Variants in PTPRM observed in about 807,000 individuals in gnomAD.
The protein encoded by PTPRM is protein tyrosine phosphatase receptor type M.
PTPRM carries 47 observed loss-of-function variants against 186.7 expected under a neutral mutation model. The ratio of observed to expected loss-of-function variants is 0.25; its 90% CI spans 0.20 to 0.32. The LOEUF is 0.32. PTPRM is among the 10% of genes least tolerant of loss of function. The pLI is 1.00. For missense variants in PTPRM, 1,494 were observed against 1,865.0 expected (o/e 0.80, Z 3.66); for synonymous variants, 668 against 674.9 (o/e 0.99, Z 0.16).
intron 14 of PTPRM, among the ~76,000 whole-genome samples, chr18:8,189,749 C>CT (rs1410475904): frequency 6.6e-6 from 1 of 152,158 alleles, no homozygotes; most frequent in African/African-American, 2.4e-5. Flanking sequence ...TCTGGAATAC[C>CT]TGAGTGACTG....
At chr18:8,099,112 C>T (rs2091158658) in intron 11 of PTPRM, among the ~76,000 whole-genome samples, 1 of 152,112 alleles carries the variant, frequency 6.6e-6, no homozygotes, top group Non-Finnish European at 1.5e-5. Flanking sequence ...TGCCTGCACA[C>T]ACACACACAG....
chr18:8,127,283 T>G (rs558503836), intron 13 of PTPRM, among the ~76,000 whole-genome samples: 1 of 152,166 alleles, frequency 6.6e-6, no homozygotes, highest in South Asian at 2.1e-4. Flanking sequence ...CTAGGGAACT[T>G]AAGGGACAGG....
chr18:7,775,130 G>A (rs909022097), intron 2 of PTPRM, among the ~76,000 whole-genome samples: 2 of 152,206 alleles, frequency 1.3e-5, no homozygotes, highest in Admixed American at 1.3e-4. Flanking sequence ...TCTTGTAAAG[G>A]TAGCTTTTAA....
chr18:7,870,337 TTA>T (rs1456496816), intron 2 of PTPRM, among the ~76,000 whole-genome samples: 1 of 152,208 alleles, frequency 6.6e-6, no homozygotes, highest in Non-Finnish European at 1.5e-5. Flanking sequence ...TTATATTTTA[TTA>T]TGTCTTCCCT....
At chr18:8,289,573 T>TAA (rs1318344496) in intron 19 of PTPRM, among the ~76,000 whole-genome samples, 1 of 110,144 alleles carries the variant, frequency 9.1e-6, no homozygotes, top group Non-Finnish European at 1.7e-5. Context: ...CATATATATA[T>TAA]ATACATATAT....
chr18:7,812,158 A>G (rs1431524441), intron 2 of PTPRM, among the ~76,000 whole-genome samples: 1 of 152,210 alleles, frequency 6.6e-6, no homozygotes, highest in Non-Finnish European at 1.5e-5. Context: ...TGAAGTAGGC[A>G]TTACTGAGTG....
rs942373763 is a variant in PTPRM, at chr18:7,764,900, C to T, written c.74-9249C>T. Among the ~76,000 whole-genome samples, 35 of 152,194 alleles carry T rather than the reference C, an allele frequency of 2.3e-4. 1 individual carries two copies. Among genetic ancestry groups the T allele is most frequent in the Admixed American group, 1.8e-3 (28 of 15,282 alleles). On this transcript the variant is annotated intron_variant, in intron 1 of 32. Transcript: ENST00000580170. ...GACAACTATTTTTTACACTCTCTCT[C>T]GTTTTCACTATTGTGGTATAGAGGA...
At chr18:8,024,406 CAA>C (rs2085431902) in intron 7 of PTPRM, among the ~76,000 whole-genome samples, 1 of 152,226 alleles carries the variant, frequency 6.6e-6, no homozygotes, top group East Asian at 1.9e-4. Flanking sequence ...GTGTTTCTGT[CAA>C]AGAGAACTGT....
intron 22 of PTPRM, among the ~76,000 whole-genome samples, chr18:8,337,776 G>C (rs2095448567): frequency 6.6e-6 from 1 of 152,190 alleles, no homozygotes; most frequent in African/African-American, 2.4e-5. Flanking sequence ...TCTTGCGGGA[G>C]GACGCTGGGA....
At chr18:7,598,911 T>G (rs2037333197) in intron 1 of PTPRM, among the ~76,000 whole-genome samples, 1 of 151,986 alleles carries the variant, frequency 6.6e-6, no homozygotes, top group South Asian at 2.1e-4. Context: ...GGATATAAAC[T>G]CTATTTCTTG....
intron 1 of PTPRM, among the ~76,000 whole-genome samples, chr18:7,770,633 G>T (rs1243572373): frequency 6.6e-6 from 1 of 152,192 alleles, no homozygotes; most frequent in Non-Finnish European, 1.5e-5. Context: ...TAAGTGATTT[G>T]TCTAAAATCA....
intron 1 of PTPRM, among the ~76,000 whole-genome samples, chr18:7,701,101 C>G (rs576589227): frequency 6.7e-6 from 1 of 149,456 alleles, no homozygotes; most frequent in East Asian, 2.0e-4. Flanking sequence ...GTCAAGAGTT[C>G]GAGACCACCC....
At chr18:8,376,234 G>T in intron 25 of PTPRM, 34 bp downstream of exon 25, 1 of 1,600,524 alleles carries the variant, frequency 6.2e-7, no homozygotes, top group Non-Finnish European at 8.5e-7. Context: ...TGAAGGAAAC[G>T]CAGTGGGTGA....
At chr18:7,636,517 C>T (rs1300987815) in intron 1 of PTPRM, among the ~76,000 whole-genome samples, 1 of 152,128 alleles carries the variant, frequency 6.6e-6, no homozygotes, top group African/African-American at 2.4e-5. Flanking sequence ...CTGTGTGTCT[C>T]AGAATTGCAT....
intron 1 of PTPRM, among the ~76,000 whole-genome samples, chr18:7,631,136 G>A (rs980649130): frequency 7.2e-5 from 11 of 152,104 alleles, no homozygotes; most frequent in African/African-American, 2.7e-4. Context: ...CTTTAATTAA[G>A]AAGGTTTTAA....
At chr18:8,068,823 G>A (rs969407383) in intron 7 of PTPRM, among the ~76,000 whole-genome samples, 4 of 152,000 alleles carry the variant, frequency 2.6e-5, no homozygotes, top group African/African-American at 9.7e-5. Flanking sequence ...ATTTTGGCCG[G>A]GTGTGGTGGC....
At chr18:7,994,066 C>T (rs868423553) in intron 7 of PTPRM, among the ~76,000 whole-genome samples, 3 of 151,920 alleles carry the variant, frequency 2.0e-5, no homozygotes, top group African/African-American at 7.3e-5. Flanking sequence ...ATATTCTGCC[C>T]ACAAGAAACT....
At chr18:8,275,730 G>T (rs2094826405) in intron 19 of PTPRM, among the ~76,000 whole-genome samples, 1 of 152,200 alleles carries the variant, frequency 6.6e-6, no homozygotes, top group Non-Finnish European at 1.5e-5. Flanking sequence ...ATGACATTTT[G>T]TGTATGCGTC....
chr18:8,389,514 G>A (rs1178958872), intron 31 of PTPRM, among the ~76,000 whole-genome samples: 1 of 152,148 alleles, frequency 6.6e-6, no homozygotes, highest in African/African-American at 2.4e-5. Context: ...TCTCCTGCCT[G>A]TGCAGCATCT....
Sources: allele counts gnomAD v4.1 joint callset (sites outside exome capture counted in the v4.1 genomes callset), GRCh38; gene constraint gnomAD v4.1.1; transcripts MANE v1.5; gene names NCBI Gene and HGNC (gene_info 2026-07-23, HGNC 2026-07-21).